The following ROBO1 variants were observed in gnomAD, a reference collection of about 807,000 sequenced individuals.
The protein encoded by ROBO1 is roundabout homolog 1.
A neutral mutation model predicts 195.9 loss-of-function variants in ROBO1; 149 were observed. The ratio of observed to expected loss-of-function variants is 0.76; its 90% CI spans 0.67 to 0.87. The LOEUF (loss-of-function observed/expected upper bound fraction) is 0.87. Among genes scored for constraint, ROBO1 ranks in the 40% least tolerant of loss-of-function variants. ROBO1 has a pLI of 0.00. For missense variants in ROBO1, 1,933 were observed against 2,068.3 expected, an observed-to-expected ratio of 0.93 and a Z score of 1.27; for synonymous variants, 816 against 733.2, an observed-to-expected ratio of 1.11 and a Z score of -1.82.
rs565147879 is a variant in ROBO1 at position 78,922,605 on chromosome 3, CT to C, written c.499+15995del. 7.5e-3 allele frequency among the ~76,000 whole-genome samples: 921 copies of C among 123,138 alleles called. 1 individual carries two copies. The highest frequency in any genetic ancestry group is 0.01 in the Non-Finnish European group (609 of 60,356). 80.8% of individuals were successfully genotyped at this position (123,138 alleles called of 152,430 possible). Reference sequence around the variant, plus strand: ...TTTTCTTCTTCTCCTTCTTCTTCTTCTTTTTTTTTTTTTTTTTTGACAGAGT... The same window carrying C: ...TTTTCTTCTTCTCCTTCTTCTTCTTCTTTTTTTTTTTTTTTTTGACAGAGT... On this transcript the variant is annotated intron_variant, in intron 4 of 30. Coordinates refer to ENST00000464233, the MANE Select transcript of ROBO1 (RefSeq NM_002941.4).
intron 2 of ROBO1, among the ~76,000 whole-genome samples, chr3:79,281,150 G>A (rs970007988): frequency 3.9e-5 from 6 of 152,196 alleles, no homozygotes. Context: ...TCCTGTTTTA[G>A]AGTAGTAAAT....
intron 1 of ROBO1, among the ~76,000 whole-genome samples, chr3:79,765,531 GA>G (rs937379977): frequency 2.0e-5 from 3 of 152,184 alleles, no homozygotes; most frequent in African/African-American, 7.2e-5. Flanking sequence ...ATATAGTAGA[GA>G]AGCAGGTTTT....
chr3:79,253,689 C>T (rs973605647), intron 2 of ROBO1, among the ~76,000 whole-genome samples: 3 of 152,146 alleles, frequency 2.0e-5, no homozygotes, highest in African/African-American at 7.2e-5. Context: ...AGTGCTGGAT[C>T]TTCATTAAGT....
chr3:79,630,459 C>T (rs553984247), intron 1 of ROBO1, among the ~76,000 whole-genome samples: 4 of 151,890 alleles, frequency 2.6e-5, no homozygotes, highest in East Asian at 3.9e-4. Flanking sequence ...TGTTAAAAAC[C>T]CTTCACAAAA....
chr3:78,639,706 A>G, intron 22 of ROBO1, 38 bp downstream of exon 22: 2 of 1,551,150 alleles, frequency 1.3e-6, no homozygotes, highest in Non-Finnish European at 1.8e-6. Flanking sequence ...AGTTCCTTAA[A>G]AAGCTTATAC....
chr3:78,823,501 A>G (rs1234899350), intron 4 of ROBO1, among the ~76,000 whole-genome samples: 1 of 152,220 alleles, frequency 6.6e-6, no homozygotes, highest in Non-Finnish European at 1.5e-5. Flanking sequence ...AACTCCAGTC[A>G]TTTGTTAACA....
chr3:79,170,738 A>G (rs2081151316), intron 2 of ROBO1, among the ~76,000 whole-genome samples: 2 of 152,104 alleles, frequency 1.3e-5, no homozygotes, highest in East Asian at 3.9e-4. Context: ...ATTTAAATAC[A>G]TGTTAAATAA....
At chr3:78,639,927 TG>T in intron 21 of ROBO1, 29 bp from the exon 22 acceptor site, 3 of 1,491,776 alleles carry the variant, frequency 2.0e-6, no homozygotes, top group Non-Finnish European at 2.7e-6. Flanking sequence ...TTAAAGCAAA[TG>T]TTATATGAAT....
intron 3 of ROBO1, among the ~76,000 whole-genome samples, chr3:78,941,233 A>T (rs983010945): frequency 6.6e-6 from 1 of 152,198 alleles, no homozygotes; most frequent in Non-Finnish European, 1.5e-5. Context: ...CATGGTATAG[A>T]TTTTTTCAAT....
chr3:78,653,939 G>A (rs1342265744), intron 18 of ROBO1, among the ~76,000 whole-genome samples: 1 of 152,208 alleles, frequency 6.6e-6, no homozygotes, highest in Non-Finnish European at 1.5e-5. Context: ...CAGGACTAGA[G>A]TTTATAGCCA....
intron 3 of ROBO1, among the ~76,000 whole-genome samples, chr3:78,963,494 GTTTT>G (rs750158094): frequency 1.7e-3 from 125 of 72,310 alleles, no homozygotes; most frequent in African/African-American, 7.3e-3. Context: ...AAAACCTTCA[GTTTT>G]TTTTTTTTTT....
intron 27 of ROBO1, 60 bp from the exon 28 acceptor site, chr3:78,614,860 G>A (rs945063661): frequency 3.5e-6 from 5 of 1,439,604 alleles, no homozygotes; most frequent in Admixed American, 2.6e-5. Context: ...AATTACAACA[G>A]GAACAACAAA....
intron 3 of ROBO1, among the ~76,000 whole-genome samples, chr3:79,025,200 C>T (rs1377280912): frequency 6.6e-6 from 1 of 152,098 alleles, no homozygotes; most frequent in Non-Finnish European, 1.5e-5. Flanking sequence ...GGAGTACTCA[C>T]CTTCATAAAT....
At chr3:79,312,914 T>A (rs1424779225) in intron 2 of ROBO1, among the ~76,000 whole-genome samples, 2 of 152,192 alleles carry the variant, frequency 1.3e-5, no homozygotes, top group Admixed American at 1.3e-4. Context: ...CCTATACACA[T>A]ACATAATACA....
intron 2 of ROBO1, among the ~76,000 whole-genome samples, chr3:79,483,823 G>A (rs1159367929): frequency 6.6e-6 from 1 of 152,076 alleles, no homozygotes; most frequent in Non-Finnish European, 1.5e-5. Flanking sequence ...ACGGGGTTGG[G>A]GGTGGGGGAA....
intron 4 of ROBO1, among the ~76,000 whole-genome samples, chr3:78,818,392 T>C (rs1172267917): frequency 6.6e-6 from 1 of 152,202 alleles, no homozygotes; most frequent in African/African-American, 2.4e-5. Flanking sequence ...CCTGTGCCTC[T>C]GGGAGGTTGC....
At chr3:79,472,680 G>C (rs977645687) in intron 2 of ROBO1, among the ~76,000 whole-genome samples, 1 of 152,074 alleles carries the variant, frequency 6.6e-6, no homozygotes, top group Non-Finnish European at 1.5e-5. Flanking sequence ...AATTTTATTT[G>C]AGTGTCATTA....
At chr3:79,414,303 C>A (rs2037908965) in intron 2 of ROBO1, among the ~76,000 whole-genome samples, 1 of 151,128 alleles carries the variant, frequency 6.6e-6, no homozygotes. Flanking sequence ...TCATTGTGGG[C>A]TTTGCTTTAT....
intron 19 of ROBO1, among the ~76,000 whole-genome samples, chr3:78,648,124 G>C (rs1706414005): frequency 6.6e-6 from 1 of 151,024 alleles, no homozygotes; most frequent in Non-Finnish European, 1.5e-5. Flanking sequence ...AAAAAAAAGA[G>C]AGAAAGAAGG....
Sources: gnomAD v4.1 joint callset for allele counts (sites outside exome capture counted in the v4.1 genomes callset) on GRCh38, gnomAD v4.1.1 for gene constraint, MANE v1.5 for transcripts, NCBI Gene and HGNC (gene_info 2026-07-23, HGNC 2026-07-21) for gene names.